Variants in PLEKHM2 observed in about 807,000 individuals in gnomAD.
The protein encoded by PLEKHM2 is pleckstrin homology domain-containing family M member 2.
A neutral mutation model predicts 116.3 loss-of-function variants in PLEKHM2; 77 were observed. That is an observed-to-expected ratio of 0.66 (90% CI 0.55 to 0.80). The LOEUF is 0.80. PLEKHM2 is among the 30% of genes least tolerant of loss of function. The pLI is 0.00. For synonymous variants in PLEKHM2, 562 were observed against 571.0 expected, an observed-to-expected ratio of 0.98 and a Z score of 0.22; for missense variants, 1,183 against 1,354.9, an observed-to-expected ratio of 0.87 and a Z score of 1.99.
At chr1:15,699,338 C>T (rs1050033132) in intron 1 of PLEKHM2, among the ~76,000 whole-genome samples, 1 of 152,052 alleles carries the variant, frequency 6.6e-6, no homozygotes, top group Non-Finnish European at 1.5e-5. Context: ...GCTATGCCTC[C>T]CCCTGCCCCC....
chr1:15,686,394 C>T (rs1640769032), intron 1 of PLEKHM2, among the ~76,000 whole-genome samples: 1 of 152,204 alleles, frequency 6.6e-6, no homozygotes, highest in Non-Finnish European at 1.5e-5. Flanking sequence ...CTTGGTCAGG[C>T]TTATTAACCT....
rs1325351779 is a variant in PLEKHM2 at position 15,721,516 on chromosome 1, G to A, written c.712+128G>A. The A allele has an allele frequency of 4.9e-6, 3 of 610,466 alleles. No homozygotes were observed. Among genetic ancestry groups the A allele is most frequent in the Non-Finnish European group, 2.8e-6 (1 of 354,394 alleles). The allele number at this position is 610,466 out of a possible 1,614,324, so 37.8% of individuals were successfully genotyped here. A position where few individuals can be genotyped will look rare whatever the true frequency, so the allele number is the denominator to read the frequency against. ...CCATAATCATAATAAAGCCAAGTTTGGTGTTCTAATAGATGGAATTCTGCA... is the reference window on the plus strand; with the variant it reads ...CCATAATCATAATAAAGCCAAGTTTAGTGTTCTAATAGATGGAATTCTGCA... On this transcript the variant is annotated intron_variant, in intron 7 of 19. Coordinates refer to ENST00000375799, the MANE Select transcript of PLEKHM2 (RefSeq NM_015164.4). This position sits in a 1 kb window ranked among gnomAD's most constrained non-coding sequence, Gnocchi z 5.1.
At chr1:15,733,188 C>A (rs1279156885) in intron 19 of PLEKHM2, among the ~76,000 whole-genome samples, 1 of 152,260 alleles carries the variant, frequency 6.6e-6, no homozygotes, top group African/African-American at 2.4e-5. Context: ...AGCAGACACA[C>A]CTGACAGGCA....
In PLEKHM2 at chr1:15,716,815, C is replaced by T; in HGVS notation, c.276C>T (p.Arg92=). 1 of 1,559,676 alleles carries T rather than the reference C, an allele frequency of 6.4e-7. No homozygotes were observed. The highest frequency in any genetic ancestry group is 1.4e-5 in the African/African-American group (1 of 73,646). Residue 92 remains arginine, a splice_region_variant and synonymous_variant, in exon 3 of 20, where the codon CGC becomes CGT. Transcript: ENST00000375799. ...AGCACGTGGCCACCAACCTGGGGCG[C>T]AGTGAGTAGTCACAAGGAGACGCTG... The part of the protein sequence containing the change: ...VLQHVATNLG[R]SRAWLYLALN...
chr1:15,710,047 A>AC (rs1331047167), intron 1 of PLEKHM2, among the ~76,000 whole-genome samples: 1 of 151,486 alleles, frequency 6.6e-6, no homozygotes, highest in African/African-American at 2.4e-5. Context: ...ACGTGGTGAA[A>AC]CCCCATCTCC....
chr1:15,727,278 C>G lies in PLEKHM2; in HGVS notation c.1206C>G (p.Ser402=). Residue 402 remains serine, a synonymous_variant, in exon 9 of 20, where the codon TCC becomes TCG. Transcript: ENST00000375799. The surrounding 1 kb of genome is among the most constrained non-coding windows in gnomAD (Gnocchi z 7.5). ...TGATCCCTGAGATGAAGGACACCTCCATGGAGCGCTTGGGGCAGCCCCTGA... is the reference window on the plus strand; with the variant it reads ...TGATCCCTGAGATGAAGGACACCTCGATGGAGCGCTTGGGGCAGCCCCTGA... ...GLLIPEMKDT[S]MERLGQPLSK... 6.2e-7 allele frequency: 1 copy of G among 1,605,822 alleles called. No homozygotes were observed. Among genetic ancestry groups the G allele is most frequent in the Non-Finnish European group, 8.5e-7 (1 of 1,177,130 alleles).
intron 1 of PLEKHM2, among the ~76,000 whole-genome samples, chr1:15,703,651 G>A (rs973715999): frequency 6.6e-6 from 1 of 152,208 alleles, no homozygotes; most frequent in Non-Finnish European, 1.5e-5. Context: ...TGTTTTGTGG[G>A]TGTATGAAGA....
rs1383049659 is a variant in PLEKHM2, at chr1:15,719,451, A to G, written c.466-283A>G. On this transcript the variant is annotated intron_variant, in intron 5 of 19. Coordinates refer to ENST00000375799, the MANE Select transcript of PLEKHM2 (RefSeq NM_015164.4). The surrounding 1 kb of genome is among the most constrained non-coding windows in gnomAD (Gnocchi z 4.1). ...GGGCAACAGAGTGAGACTCTGTCTC[A>G]AAAAAAAAAATAAATAAATAGAGAG... 1.5e-5 allele frequency among the ~76,000 whole-genome samples: 1 copy of G among 65,194 alleles called. No individual in the cohort carries two copies. Among genetic ancestry groups the G allele is most frequent in the Non-Finnish European group, 2.8e-5 (1 of 36,288 alleles). The allele number at this position is 65,194 out of a possible 152,430, so 42.8% of individuals were successfully genotyped here.
intron 1 of PLEKHM2, among the ~76,000 whole-genome samples, chr1:15,711,048 A>C (rs1641321325): frequency 6.6e-6 from 1 of 151,772 alleles, no homozygotes; most frequent in Non-Finnish European, 1.5e-5. Context: ...TTACCTCATG[A>C]CATATATAAA....
chr1:15,709,550 A>G (rs905884062), intron 1 of PLEKHM2, among the ~76,000 whole-genome samples: 48 of 152,304 alleles, frequency 3.2e-4, no homozygotes, highest in African/African-American at 1.2e-3. Flanking sequence ...CCCATTTTGC[A>G]GATGAGAAAA....
chr1:15,682,602 G>A (rs72878865), upstream of PLEKHM2, among the ~76,000 whole-genome samples: 13,876 of 149,108 alleles, frequency 0.093, 897 homozygotes, highest in African/African-American at 0.17. Flanking sequence ...CTGGGGAACA[G>A]AGCAAGGCTC....
intron 14 of PLEKHM2, 91 bp from the exon 15 acceptor site, chr1:15,730,441 C>T: frequency 9.7e-7 from 1 of 1,027,406 alleles, no homozygotes; most frequent in Non-Finnish European, 1.3e-6. Flanking sequence ...GACTCCATCT[C>T]AAAAAGAAAA....
intron 1 of PLEKHM2, among the ~76,000 whole-genome samples, chr1:15,701,549 G>A (rs1641113190): frequency 6.6e-6 from 1 of 152,114 alleles, no homozygotes; most frequent in African/African-American, 2.4e-5. Flanking sequence ...CAGCACTTTG[G>A]GAGGCCAAGA....
At chr1:15,697,971 G>A (rs1265986457) in intron 1 of PLEKHM2, among the ~76,000 whole-genome samples, 2 of 152,174 alleles carry the variant, frequency 1.3e-5, no homozygotes, top group African/African-American at 2.4e-5. Flanking sequence ...TGTGCAATTA[G>A]CTGCTGTATT....
intron 1 of PLEKHM2, among the ~76,000 whole-genome samples, chr1:15,691,263 G>T (rs1196009139): frequency 6.6e-6 from 1 of 152,050 alleles, no homozygotes; most frequent in Non-Finnish European, 1.5e-5. Flanking sequence ...GTGGAGACAA[G>T]GTCTCACTAT....
At position 15,729,903 on chromosome 1, in the gene PLEKHM2, T is replaced by C. The variant is rs761820612; in HGVS notation, c.2182T>C (p.Phe728Leu). Reference protein sequence around the residue: ...ATMEKLALAKFVAQESKCEAS... With the variant: ...ATMEKLALAKLVAQESKCEAS... The stretch of plus-strand genomic sequence containing the variant: ...CATGGAGAAGCTGGCACTGGCCAAA[T>C]TTGTGGCCCAAGAATCGAAGTGTGA... Residue 728 changes from phenylalanine (F) to leucine (L), a missense_variant, in exon 14 of 20, where the codon TTT (phenylalanine) becomes CTT (leucine). Physicochemically the swap from Phe to Leu is conservative, Grantham distance 22. Transcript: ENST00000375799. This position sits in a 1 kb window ranked among gnomAD's most constrained non-coding sequence, Gnocchi z 4.7. The C allele has an allele frequency of 5.6e-6, 9 of 1,612,820 alleles. No homozygotes were observed. The Admixed American group carries it at 1.5e-4, about 27-fold the overall frequency.
intron 19 of PLEKHM2, 61 bp downstream of exon 19, chr1:15,732,789 G>T (rs1056630780): frequency 1.8e-6 from 2 of 1,127,726 alleles, no homozygotes; most frequent in East Asian, 2.5e-5. Context: ...GCCACTCCCC[G>T]GGGAGAGGAA....
chr1:15,727,764 C>T lies in PLEKHM2; in HGVS notation c.1692C>T (p.Ser564=), dbSNP rs1320636938. 4 of 1,604,848 alleles carry T rather than the reference C, an allele frequency of 2.5e-6. No homozygotes were observed. The highest frequency in any genetic ancestry group is 1.3e-5 in the African/African-American group (1 of 74,760). ...ACCAGCCCAGCCCGTGTCTGAGTAG[C>T]GCTGAGGATTCTGGGGTGGATGAGG... ...KRDQPSPCLS[S]AEDSGVDEGQ... The change falls in exon 9 of 20, where the codon AGC becomes AGT. Residue 564 remains serine, a synonymous_variant. Coordinates refer to ENST00000375799, the MANE Select transcript of PLEKHM2 (RefSeq NM_015164.4). This position sits in a 1 kb window ranked among gnomAD's most constrained non-coding sequence, Gnocchi z 7.5.
rs1159397731 is a variant in PLEKHM2, at chr1:15,724,836, CTT to C, written c.713-479_713-478del. ...CCTCTGCAAGGGACCCTTCAGAGGA[CTT>C]TGGGCACCTCTCAGCCCTACAAGTG... On this transcript the variant is annotated intron_variant, in intron 7 of 19. Transcript: ENST00000375799. 1.1e-4 allele frequency among the ~76,000 whole-genome samples: 16 copies of C among 152,264 alleles called. No individual in the cohort carries two copies. In the East Asian group the frequency reaches 3.1e-3, roughly 29 times the overall value.
Sources: allele counts gnomAD v4.1 joint callset (sites outside exome capture counted in the v4.1 genomes callset), GRCh38; gene constraint gnomAD v4.1.1; non-coding constraint Gnocchi (gnomAD v3.1); transcripts MANE v1.5; gene names NCBI Gene and HGNC (gene_info 2026-07-23, HGNC 2026-07-21).